The following SIPA1L2 variants were observed in gnomAD, a reference collection of about 807,000 sequenced individuals.
SIPA1L2 encodes signal-induced proliferation-associated 1-like protein 2.
In SIPA1L2, 56 loss-of-function variants were observed where a neutral mutation model predicts 163.9. The observed-to-expected ratio is 0.34, with a 90% CI of 0.28 to 0.43. The LOEUF (loss-of-function observed/expected upper bound fraction) is 0.43, where lower values mean the gene tolerates loss of function less well. Ranked by LOEUF, SIPA1L2 falls within the 20% of genes least tolerant of loss-of-function variation. SIPA1L2 has a pLI of 1.00. For synonymous variants in SIPA1L2, 877 were observed against 865.7 expected, an observed-to-expected ratio of 1.01 and a Z score of -0.23; for missense variants, 1,974 against 2,193.5, an observed-to-expected ratio of 0.90 and a Z score of 2.00.
intron 3 of SIPA1L2, among the ~76,000 whole-genome samples, chr1:232,507,137 A>G (rs2103029138): frequency 6.7e-6 from 1 of 149,256 alleles, no homozygotes; most frequent in Middle Eastern, 3.5e-3. Context: ...ACCACATTCC[A>G]TTTAGTTGTC....
intron 2 of SIPA1L2, among the ~76,000 whole-genome samples, chr1:232,557,808 C>G (rs147466226): frequency 4.6e-5 from 7 of 152,170 alleles, no homozygotes; most frequent in African/African-American, 1.4e-4. Flanking sequence ...ACAGTGAAGA[C>G]ACAAAAGATT....
intron 18 of SIPA1L2, among the ~76,000 whole-genome samples, chr1:232,418,320 C>G (rs80089629): frequency 0.015 from 2,223 of 152,298 alleles, 62 homozygotes; most frequent in African/African-American, 0.05. Flanking sequence ...ATGTCCCTTG[C>G]TTCCCCTTCC....
chr1:232,483,774 C>A lies in SIPA1L2; in HGVS notation c.1981+18G>T. ...TTGGAGAATTAAAAATGTGCACACACACAAACATTAAACTTACTCTTATTG... is the reference window on the plus strand; with the variant it reads ...TTGGAGAATTAAAAATGTGCACACAAACAAACATTAAACTTACTCTTATTG... On this transcript the variant is annotated intron_variant, in intron 6 of 22. Coordinates refer to ENST00000674635, the MANE Select transcript of SIPA1L2 (RefSeq NM_020808.5). 1 of 1,613,328 alleles carries A rather than the reference C, an allele frequency of 6.2e-7. No individual in the cohort carries two copies. The highest frequency in any genetic ancestry group is 1.1e-5 in the South Asian group (1 of 90,954).
chr1:232,430,870 C>T (rs1397783670), intron 16 of SIPA1L2, among the ~76,000 whole-genome samples: 3 of 152,192 alleles, frequency 2.0e-5, no homozygotes, highest in African/African-American at 7.2e-5. Context: ...CCACAGGGGT[C>T]CCCAGGTGGG....
In SIPA1L2 at chr1:232,461,927, C is replaced by T. The variant is rs551688998; in HGVS notation, c.2821-766G>A. On this transcript the variant is annotated intron_variant, in intron 9 of 22. Coordinates refer to ENST00000674635, the MANE Select transcript of SIPA1L2 (RefSeq NM_020808.5). ...CAGGCCAGCCAGACTCCTTGGCCAT[C>T]TGTTCACAAGGCAAGTGTGTAGGAT... Among the ~76,000 whole-genome samples the T allele has an allele frequency of 5.9e-5, 9 of 152,266 alleles. No individual in the cohort carries two copies. The East Asian group carries it at 7.7e-4, about 13-fold the overall frequency.
At chr1:232,403,357 G>C in intron 21 of SIPA1L2, 91 bp downstream of exon 21, 2 of 1,503,286 alleles carry the variant, frequency 1.3e-6, no homozygotes, top group Non-Finnish European at 1.8e-6. Context: ...CAATATGGTC[G>C]CCCGCCTGGC....
rs370395318 is a variant in SIPA1L2 at position 232,427,982 on chromosome 1, C to A, written c.4410+429G>T. On this transcript the variant is annotated intron_variant, in intron 17 of 22. Transcript: ENST00000674635. ...TGTGAATTTTAACAGCTACTGTTCA[C>A]GATCACTAGTTATGTCCAGGAGCTG... Among the ~76,000 whole-genome samples, 101 of 152,344 alleles carry A rather than the reference C, an allele frequency of 6.6e-4. 2 individuals are homozygous for A. In the East Asian group the frequency reaches 0.017, roughly 25 times the overall value.
At chr1:232,415,754 C>T (rs114013002) in intron 18 of SIPA1L2, 129 bp from the exon 19 acceptor site, 48,630 of 1,213,204 alleles carry the variant, frequency 0.04, 1,849 homozygotes, top group Admixed American at 0.12. Flanking sequence ...CCACTGCCCC[C>T]TCCCAGAGTC....
intron 1 of SIPA1L2, among the ~76,000 whole-genome samples, chr1:232,604,613 A>C (rs1415328259): frequency 6.6e-6 from 1 of 152,112 alleles, no homozygotes; most frequent in African/African-American, 2.4e-5. Context: ...TTTTTTTGAG[A>C]CAGAGTGATG....
chr1:232,485,478 A>G (rs1158188902), intron 5 of SIPA1L2, among the ~76,000 whole-genome samples: 8 of 152,260 alleles, frequency 5.3e-5, no homozygotes, highest in Non-Finnish European at 1.0e-4. Context: ...GATCAACTCA[A>G]TTATCTAAGT....
At chr1:232,503,527 A>G (rs1032270476) in intron 3 of SIPA1L2, among the ~76,000 whole-genome samples, 1 of 152,244 alleles carries the variant, frequency 6.6e-6, no homozygotes, top group Admixed American at 6.5e-5. Context: ...GCTCTGCCTT[A>G]CAGGATTTAT....
At chr1:232,555,701 G>A (rs997239387) in intron 2 of SIPA1L2, among the ~76,000 whole-genome samples, 12 of 152,136 alleles carry the variant, frequency 7.9e-5, no homozygotes, top group African/African-American at 1.9e-4. Context: ...AAAGATCCAC[G>A]GAGCCTATGC....
chr1:232,594,025 T>C (rs1661106691), intron 1 of SIPA1L2, among the ~76,000 whole-genome samples: 1 of 151,986 alleles, frequency 6.6e-6, no homozygotes. Flanking sequence ...CCTCTAGTAA[T>C]CTCTAACCTG....
intron 1 of SIPA1L2, among the ~76,000 whole-genome samples, chr1:232,575,982 T>C (rs1288794664): frequency 6.6e-6 from 1 of 152,158 alleles, no homozygotes; most frequent in Non-Finnish European, 1.5e-5. Context: ...GTCAAATTCA[T>C]AAAATCAGAA....
intron 1 of SIPA1L2, among the ~76,000 whole-genome samples, chr1:232,600,861 C>G (rs1004202876): frequency 6.6e-6 from 1 of 152,180 alleles, no homozygotes; most frequent in African/African-American, 2.4e-5. Context: ...GCAGCCTACA[C>G]AGCAATGTCA....
intron 1 of SIPA1L2, among the ~76,000 whole-genome samples, chr1:232,585,285 C>CA (rs367632777): frequency 5.2e-4 from 79 of 152,288 alleles, no homozygotes; most frequent in African/African-American, 1.8e-3. Flanking sequence ...ATAAACATAG[C>CA]AGAATATACT....
chr1:232,496,561 A>C (rs1275943606), intron 3 of SIPA1L2, among the ~76,000 whole-genome samples: 1 of 75,366 alleles, frequency 1.3e-5, no homozygotes, highest in East Asian at 2.9e-4. Context: ...AGAAGCAGGC[A>C]AAAAAAAAAA....
At chr1:232,584,579 CAT>C (rs1228401923) in intron 1 of SIPA1L2, among the ~76,000 whole-genome samples, 2 of 152,178 alleles carry the variant, frequency 1.3e-5, no homozygotes, top group East Asian at 3.8e-4. Flanking sequence ...TGAAGGCTCT[CAT>C]GTGATATAAA....
intron 15 of SIPA1L2, among the ~76,000 whole-genome samples, chr1:232,438,040 C>T (rs1249019085): frequency 1.3e-5 from 2 of 152,042 alleles, no homozygotes; most frequent in Non-Finnish European, 2.9e-5. Flanking sequence ...GTGGCATGAA[C>T]CAATCAGCAT....
Sources: allele counts gnomAD v4.1 joint callset (sites outside exome capture counted in the v4.1 genomes callset), GRCh38; gene constraint gnomAD v4.1.1; transcripts MANE v1.5; gene names NCBI Gene and HGNC (gene_info 2026-07-23, HGNC 2026-07-21).